EIF2AK2: variants seen among roughly 807,000 people sequenced by gnomAD.
The protein encoded by EIF2AK2 is interferon-induced, double-stranded RNA-activated protein kinase.
Under a neutral mutation model 70.5 loss-of-function variants are expected in EIF2AK2, and 40 were observed. The ratio of observed to expected loss-of-function variants is 0.57; its 90% CI spans 0.44 to 0.74. The LOEUF is 0.74. Ranked by LOEUF, EIF2AK2 falls within the 30% of genes least tolerant of loss-of-function variation. The probability of loss-of-function intolerance (pLI) is 0.00; values close to 1 mark genes in which losing one functional copy is unlikely to be tolerated. For synonymous variants in EIF2AK2, 198 were observed against 220.9 expected, an observed-to-expected ratio of 0.90 and a Z score of 0.92; for missense variants, 555 against 644.3, an observed-to-expected ratio of 0.86 and a Z score of 1.50.
intron 14 of EIF2AK2, among the ~76,000 whole-genome samples, chr2:37,111,935 C>CTATA (rs1340326068): frequency 6.0e-5 from 8 of 132,812 alleles, no homozygotes; most frequent in Non-Finnish European, 9.5e-5. Flanking sequence ...CTCTCTCTCT[C>CTATA]TCTCTATATA....
Position 37,102,241 on chromosome 2 carries a change from TA to T in EIF2AK2, c.*5031del, listed in dbSNP as rs1036770182. On this transcript the variant is annotated 3_prime_UTR_variant, in exon 17 of 17. Transcript: ENST00000233057. ...GGTGACAGAGTGAGATCCTGTCTCTTAAAAAAAAAATTACAATTAAATACTT... is the reference window on the plus strand; with the variant it reads ...GGTGACAGAGTGAGATCCTGTCTCTTAAAAAAAAATTACAATTAAATACTT... The T allele has an allele frequency of 7.8e-4, 117 of 149,728 alleles. No homozygotes were observed. Among genetic ancestry groups the T allele is most frequent in the African/African-American group, 2.7e-3 (111 of 40,866 alleles). The allele number at this position is 149,728 out of a possible 1,614,324, so 9.3% of individuals were successfully genotyped here.
At chr2:37,128,769 C>A (rs1407903845) in intron 10 of EIF2AK2, among the ~76,000 whole-genome samples, 1 of 152,164 alleles carries the variant, frequency 6.6e-6, no homozygotes, top group East Asian at 1.9e-4. Flanking sequence ...AATCCAGTGG[C>A]CAATGATGCA....
rs927352940 is a variant in EIF2AK2, at chr2:37,101,169, A to C, written c.*6104T>G. On this transcript the variant is annotated 3_prime_UTR_variant, in exon 17 of 17. Coordinates refer to ENST00000233057, the MANE Select transcript of EIF2AK2 (RefSeq NM_001135651.3). ...TCTATTCTAAACATGCTAGTTTCAAAGTATTGGTTGGGCCATACCTTGCTT... is the reference window on the plus strand; with the variant it reads ...TCTATTCTAAACATGCTAGTTTCAACGTATTGGTTGGGCCATACCTTGCTT... 1 of 152,226 alleles carries C rather than the reference A, an allele frequency of 6.6e-6. No homozygotes were observed. The highest frequency in any genetic ancestry group is 6.5e-5 in the Admixed American group (1 of 15,272). The allele number at this position is 152,226 out of a possible 1,614,324, so 9.4% of individuals were successfully genotyped here. A position where few individuals can be genotyped will look rare whatever the true frequency, so the allele number is the denominator to read the frequency against.
chr2:37,126,173 A>C, intron 11 of EIF2AK2, 116 bp downstream of exon 11: 1 of 1,344,234 alleles, frequency 7.4e-7, no homozygotes, highest in Non-Finnish European at 1.0e-6. Flanking sequence ...GAAATGTTTA[A>C]TGAGGATCAG....
chr2:37,131,692 C>A (rs1467872893), intron 10 of EIF2AK2, among the ~76,000 whole-genome samples: 1 of 152,038 alleles, frequency 6.6e-6, no homozygotes, highest in East Asian at 1.9e-4. Flanking sequence ...ATAAAGGGAG[C>A]CCCAGATTGA....
intron 10 of EIF2AK2, among the ~76,000 whole-genome samples, chr2:37,126,967 GAAAAAAAAAAAAAAAAA>G (rs57802509): frequency 0.024 from 1,273 of 52,250 alleles, 23 homozygotes; most frequent in African/African-American, 0.091. Flanking sequence ...CAAAAAAACA[GAAAAAAAAAAAAAAAAA>G]AAAAAAAAAA....
rs765847525 is a variant in EIF2AK2, at chr2:37,141,654, T to A, written c.288A>T (p.Leu96Phe). Residue 96 changes from leucine (L) to phenylalanine (F), a missense_variant, in exon 5 of 17, where the codon TTA becomes TTT. Leu to Phe is a conservative substitution (Grantham distance 22, BLOSUM62 0). Transcript: ENST00000233057. ...TAAGGCCTATGTAATTCCCCATGGA[T>A]AATCCTTCTGAAGAATTCGTTGTTG... ...LLTTTNSSEG[L>F]SMGNYIGLIN... is the part of the protein sequence containing the mutation. 1.2e-6 allele frequency: 2 copies of A among 1,614,028 alleles called. No homozygotes were observed. Among genetic ancestry groups the A allele is most frequent in the Non-Finnish European group, 1.7e-6 (2 of 1,179,982 alleles).
intron 1 of EIF2AK2, among the ~76,000 whole-genome samples, chr2:37,152,260 CTTCT>C (rs1675769694): frequency 6.6e-6 from 1 of 152,092 alleles, no homozygotes; most frequent in African/African-American, 2.4e-5. Context: ...CTCTTTTGAT[CTTCT>C]TTCTTCCAGG....
chr2:37,139,544 T>C (rs986071188), intron 6 of EIF2AK2, 87 bp downstream of exon 6: 182 of 1,529,788 alleles, frequency 1.2e-4, no homozygotes, highest in Non-Finnish European at 1.6e-4. Flanking sequence ...ACTGGCTGTC[T>C]TGGCATAATG....
chr2:37,118,577 T>C (rs1674427514), intron 13 of EIF2AK2, among the ~76,000 whole-genome samples: 1 of 152,252 alleles, frequency 6.6e-6, no homozygotes, highest in Non-Finnish European at 1.5e-5. Flanking sequence ...ATTGTGCTTA[T>C]TTGTTATTTA....
At chr2:37,147,493 T>C (rs1164028038) in intron 3 of EIF2AK2, among the ~76,000 whole-genome samples, 195 bp downstream of exon 3, 2 of 124,340 alleles carry the variant, frequency 1.6e-5, no homozygotes, top group Admixed American at 2.0e-4. Flanking sequence ...CCCTGGTGTG[T>C]GATGTTCCCC....
chr2:37,126,551 T>G (rs1019507515), intron 10 of EIF2AK2, 140 bp from the exon 11 acceptor site: 1 of 1,311,224 alleles, frequency 7.6e-7, no homozygotes, highest in Non-Finnish European at 1.0e-6. Flanking sequence ...ATAAGAAAGA[T>G]CCACTTGGCA....
intron 13 of EIF2AK2, 150 bp from the exon 14 acceptor site, chr2:37,115,009 C>A: frequency 5.1e-6 from 2 of 392,346 alleles, no homozygotes; most frequent in Non-Finnish European, 4.2e-6. Context: ...TAATATGACT[C>A]GTCTTTAAAA....
Position 37,148,561 on chromosome 2 carries a change from T to C in EIF2AK2, c.-17+296A>G, listed in dbSNP as rs113152728. 668 of 761,238 alleles carry C rather than the reference T, an allele frequency of 8.8e-4. 2 individuals are homozygous for C. The African/African-American group carries it at 0.01, about 11-fold the overall frequency. The allele number at this position is 761,238 out of a possible 1,614,324, so 47.2% of individuals were successfully genotyped here. On this transcript the variant is annotated intron_variant, in intron 2 of 16. Coordinates refer to ENST00000233057, the MANE Select transcript of EIF2AK2 (RefSeq NM_001135651.3). ...GATCGATAGTTGCAGTCCAGCTTCGTACTACAAATGAGTGCCATAAAACCT... is the reference window on the plus strand; with the variant it reads ...GATCGATAGTTGCAGTCCAGCTTCGCACTACAAATGAGTGCCATAAAACCT...
At chr2:37,119,806 G>A (rs577213381) in intron 13 of EIF2AK2, among the ~76,000 whole-genome samples, 153 bp downstream of exon 13, 1 of 151,780 alleles carries the variant, frequency 6.6e-6, no homozygotes, top group East Asian at 1.9e-4. Context: ...TGGCCAGACT[G>A]GTTTCGAACT....
At chr2:37,111,881 ATATAT>A (rs1558407910) in intron 14 of EIF2AK2, among the ~76,000 whole-genome samples, 1,333 of 44,284 alleles carry the variant, frequency 0.03, 26 homozygotes, top group South Asian at 0.033. Flanking sequence ...AAAAAAAAAT[ATATAT>A]ATATATATAT....
At position 37,153,340 on chromosome 2, in the gene EIF2AK2, T is replaced by C. The variant is rs1043630782; in HGVS notation, c.-184+3568A>G. On this transcript the variant is annotated intron_variant, in intron 1 of 16. Coordinates refer to ENST00000233057, the MANE Select transcript of EIF2AK2 (RefSeq NM_001135651.3). Reference sequence around the variant, plus strand: ...AGTCCTTTCAGTCTCTGCTAATCTTTTTTTTTTTTTTTTTTTTTGAGACAG... The same window carrying C: ...AGTCCTTTCAGTCTCTGCTAATCTTCTTTTTTTTTTTTTTTTTTGAGACAG... Among the ~76,000 whole-genome samples the C allele has an allele frequency of 2.9e-3, 412 of 140,894 alleles. 10 individuals are homozygous for C. Among genetic ancestry groups the C allele is most frequent in the African/African-American group, 9.8e-3 (382 of 39,020 alleles). The allele number at this position is 140,894 out of a possible 152,430, so 92.4% of individuals were successfully genotyped here.
chr2:37,111,323 A>C (rs1022379643), intron 14 of EIF2AK2, among the ~76,000 whole-genome samples: 1 of 152,216 alleles, frequency 6.6e-6, no homozygotes, highest in African/African-American at 2.4e-5. Flanking sequence ...ATTTTACCAC[A>C]ATTAAAAATA....
chr2:37,109,376 G>A (rs1674069462), intron 14 of EIF2AK2, 81 bp from the exon 15 acceptor site: 2 of 1,169,970 alleles, frequency 1.7e-6, no homozygotes, highest in Admixed American at 2.3e-5. Context: ...AAAGTTATTT[G>A]ACCAAAACAT....
Sources: allele counts gnomAD v4.1 joint callset (sites outside exome capture counted in the v4.1 genomes callset), GRCh38; gene constraint gnomAD v4.1.1; transcripts MANE v1.5; gene names NCBI Gene and HGNC (gene_info 2026-07-23, HGNC 2026-07-21).